PCDHA8: variants seen among roughly 807,000 people sequenced by gnomAD.
PCDHA8 encodes protocadherin alpha 8.
PCDHA8 carries 53 observed loss-of-function variants against 61.8 expected under a neutral mutation model. The ratio of observed to expected loss-of-function variants is 0.86; its 90% CI spans 0.69 to 1.08. The LOEUF is 1.08. Among genes scored for constraint, PCDHA8 ranks in the 50% least tolerant of loss-of-function variants. The probability of loss-of-function intolerance (pLI) is 0.00; values close to 1 mark genes in which losing one functional copy is unlikely to be tolerated. For missense variants in PCDHA8, 1,293 were observed against 1,245.0 expected, an observed-to-expected ratio of 1.04 and a Z score of -0.58; for synonymous variants, 618 against 556.6, an observed-to-expected ratio of 1.11 and a Z score of -1.55.
intron 1 of PCDHA8, chr5:140,875,581 G>A (rs1158750138): frequency 6.8e-6 from 11 of 1,613,944 alleles, no homozygotes; most frequent in African/African-American, 4.0e-5. Context: ...CTCCGTCTAC[G>A]AGGAGGCCAA....
At chr5:140,927,059 G>T (rs2153586396) in intron 1 of PCDHA8, 1 of 1,611,324 alleles carries the variant, frequency 6.2e-7, no homozygotes, top group Middle Eastern at 1.7e-4. Flanking sequence ...CGGAACTTTC[G>T]CTTCCTTTCC....
chr5:140,923,498 C>T (rs1233893951), intron 1 of PCDHA8, among the ~76,000 whole-genome samples: 2 of 152,018 alleles, frequency 1.3e-5, no homozygotes, highest in African/African-American at 4.8e-5. Context: ...CACTGCACTC[C>T]AGCCTGGATG....
intron 1 of PCDHA8, among the ~76,000 whole-genome samples, chr5:140,923,134 G>A (rs962370475): frequency 3.9e-5 from 6 of 152,106 alleles, no homozygotes; most frequent in African/African-American, 1.2e-4. Flanking sequence ...CACTTTGAAG[G>A]TGGAATATAA....
chr5:140,875,987 T>C, intron 1 of PCDHA8: 1 of 1,614,032 alleles, frequency 6.2e-7, no homozygotes, highest in Non-Finnish European at 8.5e-7. Flanking sequence ...ACCTATGCGT[T>C]AAGTCTAAAT....
rs375652776 is a variant in PCDHA8, at chr5:140,968,862, G to A, written c.2395-10087G>A. The A allele has an allele frequency of 1.9e-5, 31 of 1,614,126 alleles. No individual in the cohort carries two copies. The highest frequency in any genetic ancestry group is 1.5e-4 in the South Asian group (14 of 91,062). The stretch of plus-strand genomic sequence containing the variant: ...ACTCAGAGGCATGTTAAGAGCCCTC[G>A]GACATACTCTGAAATTACCCTTTAT... On this transcript the variant is annotated intron_variant, in intron 1 of 3. Transcript: ENST00000531613.
chr5:141,003,343 GCT>G (rs1554259027), intron 3 of PCDHA8, among the ~76,000 whole-genome samples: 1 of 152,198 alleles, frequency 6.6e-6, no homozygotes, highest in Non-Finnish European at 1.5e-5. Context: ...TTGTTTGTTT[GCT>G]CTGTCACCCA....
rs189065461 is a variant in PCDHA8, at chr5:140,869,908, C to A, written c.2394+26193C>A. ...TGTGCTCAAACTAAACGCCACAGACCGAGACGAAGGAGTCAATGGAGAGGT... is the reference window on the plus strand; with the variant it reads ...TGTGCTCAAACTAAACGCCACAGACAGAGACGAAGGAGTCAATGGAGAGGT... On this transcript the variant is annotated intron_variant, in intron 1 of 3. Coordinates refer to ENST00000531613, the MANE Select transcript of PCDHA8 (RefSeq NM_018911.3). 6.2e-6 allele frequency: 10 copies of A among 1,610,646 alleles called. No homozygotes were observed. In the Admixed American group the frequency reaches 6.7e-5, roughly 11 times the overall value.
chr5:140,930,567 C>T (rs1192022171), intron 1 of PCDHA8: 11 of 152,480 alleles, frequency 7.2e-5, no homozygotes, highest in African/African-American at 2.2e-4. Context: ...TGAAGCAATT[C>T]TACGGTATTA....
intron 1 of PCDHA8, among the ~76,000 whole-genome samples, chr5:140,913,922 A>G (rs2076507888): frequency 6.6e-6 from 1 of 151,936 alleles, no homozygotes; most frequent in South Asian, 2.1e-4. Context: ...ATTTTACTTC[A>G]TTGTGGTCAG....
At chr5:140,992,187 G>C (rs1395618041) in intron 3 of PCDHA8, among the ~76,000 whole-genome samples, 1 of 152,118 alleles carries the variant, frequency 6.6e-6, no homozygotes, top group Non-Finnish European at 1.5e-5. Flanking sequence ...CATGCTTTCA[G>C]TGATCTATCC....
rs2150340474 is a variant in PCDHA8, at chr5:140,842,609, G to A, written c.1288G>A (p.Gly430Arg). The change falls in exon 1 of 4, where the codon GGG (glycine) becomes AGG (arginine). Residue 430 changes from glycine (G) to arginine (R), a missense_variant. Transcript: ENST00000531613. ...AYELVVTARD[G>R]GSPSLWATAS... ...TGAGTTGGTGGTAACCGCGCGGGAC[G>A]GGGGCTCGCCTTCGCTGTGGGCCAC... 1.8e-5 allele frequency: 28 copies of A among 1,595,750 alleles called. 2 individuals carry two copies. Among genetic ancestry groups the A allele is most frequent in the African/African-American group, 2.7e-5 (2 of 74,312 alleles).
intron 1 of PCDHA8, chr5:140,966,271 T>C: frequency 2.8e-6 from 1 of 355,706 alleles, no homozygotes; most frequent in Non-Finnish European, 5.0e-6. Flanking sequence ...CTGGATGAAC[T>C]GGACAGTGGG....
chr5:140,895,647 C>T (rs954657912), intron 1 of PCDHA8, among the ~76,000 whole-genome samples: 1 of 151,996 alleles, frequency 6.6e-6, no homozygotes, highest in African/African-American at 2.4e-5. Context: ...TTTTTAGCTC[C>T]CACTTATAAG....
chr5:140,846,377 T>TCTC (rs1780417779), intron 1 of PCDHA8, among the ~76,000 whole-genome samples: 1 of 134,692 alleles, frequency 7.4e-6, no homozygotes, highest in African/African-American at 2.7e-5. Flanking sequence ...TTCTTTCTTT[T>TCTC]TTTTTTTTTT....
Position 140,843,085 on chromosome 5 carries a change from C to T in PCDHA8, c.1764C>T (p.Gly588=), listed in dbSNP as rs2150352201. 8.1e-6 allele frequency: 13 copies of T among 1,595,414 alleles called. 1 individual carries two copies. In the African/African-American group the frequency reaches 1.1e-4, roughly 13 times the overall value. ...TGGTGCCGCGGTCTGTGGGCGCGGGCCACGTGGTAGCGAAGGTGCGCGCAG... is the reference window on the plus strand; with the variant it reads ...TGGTGCCGCGGTCTGTGGGCGCGGGTCACGTGGTAGCGAAGGTGCGCGCAG... ...SKLVPRSVGA[G]HVVAKVRAVD... is the part of the protein sequence containing the mutation. The change falls in exon 1 of 4, where the codon GGC becomes GGT. Residue 588 remains glycine (G), a synonymous_variant. Coordinates refer to ENST00000531613, the MANE Select transcript of PCDHA8 (RefSeq NM_018911.3).
intron 3 of PCDHA8, chr5:140,989,066 C>T (rs2097328502): frequency 6.6e-6 from 1 of 152,200 alleles, no homozygotes; most frequent in South Asian, 2.1e-4. Flanking sequence ...TGAGGCAATA[C>T]AGTCTGGCCT....
chr5:140,854,357 G>A (rs251358), intron 1 of PCDHA8: 79,269 of 162,662 alleles, frequency 0.49, 22,300 homozygotes, highest in South Asian at 0.62. Context: ...TAAAACAAAC[G>A]TTGATATTTT....
At chr5:140,942,927 A>T (rs914550511) in intron 1 of PCDHA8, among the ~76,000 whole-genome samples, 2 of 152,104 alleles carry the variant, frequency 1.3e-5, no homozygotes, top group Non-Finnish European at 2.9e-5. Flanking sequence ...AAAAAAATTG[A>T]AAAAGAGTTT....
intron 1 of PCDHA8, chr5:140,856,196 G>T: frequency 6.3e-7 from 1 of 1,598,194 alleles, no homozygotes; most frequent in Non-Finnish European, 8.6e-7. Flanking sequence ...CATCGCGCAG[G>T]ACCTGGGGCT....
Sources: gnomAD v4.1 joint callset for allele counts (sites outside exome capture counted in the v4.1 genomes callset) on GRCh38, gnomAD v4.1.1 for gene constraint, MANE v1.5 for transcripts, NCBI Gene and HGNC (gene_info 2026-07-23, HGNC 2026-07-21) for gene names.